Variants in MSH4 observed in about 807,000 individuals in gnomAD.
The protein encoded by MSH4 is mutS protein homolog 4.
A neutral mutation model predicts 113.7 loss-of-function variants in MSH4; 106 were observed. The ratio of observed to expected loss-of-function variants is 0.93; its 90% CI spans 0.80 to 1.10. The LOEUF is 1.10. MSH4 is among the 50% of genes least tolerant of loss of function. MSH4 has a pLI of 0.00. For missense variants in MSH4, 1,061 were observed against 1,093.7 expected (o/e 0.97, Z 0.42); for synonymous variants, 368 against 380.2 (o/e 0.97, Z 0.37).
intron 1 of MSH4, among the ~76,000 whole-genome samples, chr1:75,802,204 C>T (rs1186659106): frequency 6.6e-6 from 1 of 152,004 alleles, no homozygotes; most frequent in East Asian, 1.9e-4. Flanking sequence ...TTTAGCAACC[C>T]CTGGTTTACA....
At chr1:75,864,448 T>G (rs752300407) in intron 8 of MSH4, among the ~76,000 whole-genome samples, 36 of 152,214 alleles carry the variant, frequency 2.4e-4, no homozygotes, top group Non-Finnish European at 4.6e-4. Context: ...AAAATGTTTT[T>G]CAAAATGATT....
chr1:75,912,544 T>G, intron 19 of MSH4, 152 bp from the exon 20 acceptor site: 2 of 390,002 alleles, frequency 5.1e-6, no homozygotes, highest in Non-Finnish European at 8.9e-6. Flanking sequence ...TATTCTTTCC[T>G]TGTTGGAGGA....
rs774451657 is a variant in MSH4, at chr1:75,797,044, CG to C, written c.62del (p.Gly21GlufsTer138). On this transcript the variant is annotated frameshift_variant, in exon 1 of 20. Coordinates refer to ENST00000263187, the MANE Select transcript of MSH4 (RefSeq NM_002440.4). LOFTEE classifies it high-confidence loss of function. Reference sequence around the variant, plus strand: ...TCTGCCCCGGCGGTTTCCCCGTCGTCGGGAGAAACCCGCTCACCTCAGGGTC... The same window carrying C: ...TCTGCCCCGGCGGTTTCCCCGTCGTCGGAGAAACCCGCTCACCTCAGGGTC... ...SPSAPAVSPS[S>X]GETRSPQGPR... 1.2e-6 allele frequency: 2 copies of C among 1,614,074 alleles called. No individual in the cohort carries two copies. The highest frequency in any genetic ancestry group is 2.7e-5 in the African/African-American group (2 of 75,068).
At chr1:75,901,549 C>A (rs1402917866) in intron 19 of MSH4, among the ~76,000 whole-genome samples, 1 of 152,072 alleles carries the variant, frequency 6.6e-6, no homozygotes, top group Non-Finnish European at 1.5e-5. Flanking sequence ...TTTCTTTATC[C>A]ATTCATCTGT....
Position 75,816,488 on chromosome 1 carries a change from A to G in MSH4, c.931A>G (p.Met311Val), listed in dbSNP as rs767991223. The G allele has an allele frequency of 6.2e-6, 10 of 1,607,502 alleles. No homozygotes were observed. Among genetic ancestry groups the G allele is most frequent in the Non-Finnish European group, 7.7e-6 (9 of 1,176,036 alleles). ...ICFQGSEQTA[M>V]IDSSSAQNLE... ...TTTCCAGGGTAGTGAACAGACAGCC[A>G]TGATAGATTCATCATCAGCCCAAAA... Residue 311 changes from methionine (M) to valine (V), a missense_variant, in exon 6 of 20, where the codon ATG (methionine) becomes GTG (valine). By Grantham distance (21) the Met-to-Val change is conservative. Transcript: ENST00000263187.
chr1:75,842,152 T>A (rs1426468007), intron 7 of MSH4, among the ~76,000 whole-genome samples: 1 of 152,192 alleles, frequency 6.6e-6, no homozygotes, highest in Non-Finnish European at 1.5e-5. Flanking sequence ...ACTTCCAGAC[T>A]GTAGGTAAAT....
At chr1:75,903,069 T>G (rs1014418915) in intron 19 of MSH4, among the ~76,000 whole-genome samples, 1 of 151,764 alleles carries the variant, frequency 6.6e-6, no homozygotes, top group African/African-American at 2.4e-5. Context: ...ATAAGTGTAT[T>G]TTTGCTTTTA....
intron 9 of MSH4, among the ~76,000 whole-genome samples, chr1:75,874,089 T>G (rs1651767342): frequency 6.6e-6 from 1 of 152,134 alleles, no homozygotes; most frequent in East Asian, 1.9e-4. Flanking sequence ...GCATCCGTTG[T>G]TTTTTGACTT....
At chr1:75,906,463 A>ATATACATAT (rs1652636965) in intron 19 of MSH4, among the ~76,000 whole-genome samples, 1 of 4,858 alleles carries the variant, frequency 2.1e-4, no homozygotes, top group Non-Finnish European at 4.2e-4. Context: ...ACAATATTAT[A>ATATACATAT]TATATTATAT....
chr1:75,867,139 C>T (rs898449902), intron 8 of MSH4, among the ~76,000 whole-genome samples: 3 of 152,078 alleles, frequency 2.0e-5, no homozygotes, highest in Admixed American at 2.0e-4. Flanking sequence ...TTGGATTCAG[C>T]CTTTTAAAAT....
chr1:75,827,281 A>C (rs1314737543), intron 7 of MSH4, among the ~76,000 whole-genome samples: 1 of 152,198 alleles, frequency 6.6e-6, no homozygotes, highest in Non-Finnish European at 1.5e-5. Context: ...ACAGACAAGC[A>C]AATGCTGAGG....
chr1:75,860,499 A>G lies in MSH4; in HGVS notation c.1231-7015A>G, dbSNP rs1482227556. Among the ~76,000 whole-genome samples, 4 of 152,202 alleles carry G rather than the reference A, an allele frequency of 2.6e-5. No individual in the cohort carries two copies. The East Asian group carries it at 7.7e-4, about 29-fold the overall frequency. Reference sequence around the variant, plus strand: ...CTCAGCATTTGCTTCTCGCTAAAGGATTTTATTTCTCCTTCACTTATGAAT... The same window carrying G: ...CTCAGCATTTGCTTCTCGCTAAAGGGTTTTATTTCTCCTTCACTTATGAAT... On this transcript the variant is annotated intron_variant, in intron 8 of 19. Transcript: ENST00000263187.
intron 1 of MSH4, 36 bp from the exon 2 acceptor site, chr1:75,803,695 A>T: frequency 7.1e-7 from 1 of 1,418,204 alleles, no homozygotes; most frequent in South Asian, 1.4e-5. Flanking sequence ...CATAATTCAA[A>T]TCTTTAAGAA....
chr1:75,863,210 C>G (rs1173594258), intron 8 of MSH4, among the ~76,000 whole-genome samples: 6 of 151,776 alleles, frequency 4.0e-5, no homozygotes, highest in Non-Finnish European at 1.5e-5. Flanking sequence ...ATGATAAGTG[C>G]TAAAATATAA....
At chr1:75,830,556 C>A (rs1046190827) in intron 7 of MSH4, among the ~76,000 whole-genome samples, 2 of 152,118 alleles carry the variant, frequency 1.3e-5, no homozygotes, top group African/African-American at 4.8e-5. Flanking sequence ...TCAGGTTACC[C>A]ACAAAGGGAA....
At chr1:75,911,523 T>C (rs769446138) in intron 19 of MSH4, among the ~76,000 whole-genome samples, 1 of 152,136 alleles carries the variant, frequency 6.6e-6, no homozygotes, top group African/African-American at 2.4e-5. Context: ...TATGGGACTT[T>C]TCTTAATTAT....
rs529980215 is a variant in MSH4 at position 75,831,836 on chromosome 1, A to G, written c.1162+9255A>G. ...TAAATGCCCACAAGAGAAAGCAGGAAAGATCTAAAATTGACACCCTAACAT... is the reference window on the plus strand; with the variant it reads ...TAAATGCCCACAAGAGAAAGCAGGAGAGATCTAAAATTGACACCCTAACAT... On this transcript the variant is annotated intron_variant, in intron 7 of 19. Transcript: ENST00000263187. Among the ~76,000 whole-genome samples the G allele has an allele frequency of 5.2e-4, 79 of 152,356 alleles. 1 individual carries two copies. The South Asian group carries it at 0.016, about 30-fold the overall frequency.
chr1:75,799,766 C>T lies in MSH4; in HGVS notation c.244+2537C>T, dbSNP rs983369364. On this transcript the variant is annotated intron_variant, in intron 1 of 19. Coordinates refer to ENST00000263187, the MANE Select transcript of MSH4 (RefSeq NM_002440.4). ...TAACCCAGAGACCCCCCATATTCAA[C>T]ACCAGGTCTCTGGTTTTGGTGACTG... Among the ~76,000 whole-genome samples the T allele has an allele frequency of 2.0e-5, 3 of 152,186 alleles. No individual in the cohort carries two copies. In the South Asian group the frequency reaches 6.2e-4, roughly 31 times the overall value.
intron 7 of MSH4, among the ~76,000 whole-genome samples, chr1:75,823,956 T>C (rs1650487887): frequency 6.6e-6 from 1 of 152,234 alleles, no homozygotes; most frequent in Admixed American, 6.5e-5. Flanking sequence ...TGTGTCTTTA[T>C]AGTAGAAAGA....
Sources: allele counts gnomAD v4.1 joint callset (sites outside exome capture counted in the v4.1 genomes callset), GRCh38; gene constraint gnomAD v4.1.1; transcripts MANE v1.5; gene names NCBI Gene and HGNC (gene_info 2026-07-23, HGNC 2026-07-21).